The following SAMD12 variants were observed in gnomAD, a reference collection of about 807,000 sequenced individuals.
SAMD12 encodes the protein sterile alpha motif domain containing 12.
A neutral mutation model predicts 15.0 loss-of-function variants in SAMD12; 9 were observed. That is an observed-to-expected ratio of 0.60 (90% CI 0.36 to 1.05). SAMD12 has a LOEUF of 1.05. Among genes scored for constraint, SAMD12 ranks in the 50% least tolerant of loss-of-function variants. The pLI is 0.01. For synonymous variants in SAMD12, 86 were observed against 90.1 expected (o/e 0.96, Z 0.25); for missense variants, 230 against 234.2 (o/e 0.98, Z 0.12).
chr8:118,392,887 G>C (rs902578299), intron 3 of SAMD12, among the ~76,000 whole-genome samples: 5 of 151,976 alleles, frequency 3.3e-5, no homozygotes, highest in Non-Finnish European at 5.9e-5. Flanking sequence ...TTTTGGCAAA[G>C]GTTTGCTGGA....
chr8:118,213,412 CA>C (rs1343198238), intron 4 of SAMD12, among the ~76,000 whole-genome samples: 1 of 152,204 alleles, frequency 6.6e-6, no homozygotes, highest in African/African-American at 2.4e-5. Context: ...ACATGGAGGG[CA>C]ACTGAGGTTA....
At chr8:118,539,892 T>C (rs368433565) in intron 2 of SAMD12, among the ~76,000 whole-genome samples, 26 of 152,138 alleles carry the variant, frequency 1.7e-4, no homozygotes, top group African/African-American at 6.3e-4. Flanking sequence ...ACAGAATACT[T>C]TCTGGGTTTC....
At chr8:118,535,800 C>T (rs182980092) in intron 2 of SAMD12, among the ~76,000 whole-genome samples, 6 of 152,312 alleles carry the variant, frequency 3.9e-5, no homozygotes, top group African/African-American at 1.2e-4. Context: ...ATTGGAAAAG[C>T]GCAGTATTAG....
At chr8:118,288,031 G>GT (rs1299144691) in intron 4 of SAMD12, among the ~76,000 whole-genome samples, 20 of 152,152 alleles carry the variant, frequency 1.3e-4, no homozygotes, top group Non-Finnish European at 2.9e-4. Context: ...GGTACAAGGT[G>GT]TCATGGACTG....
At chr8:118,369,909 A>G (rs1336687028) in intron 4 of SAMD12, among the ~76,000 whole-genome samples, 2 of 152,186 alleles carry the variant, frequency 1.3e-5, no homozygotes, top group African/African-American at 4.8e-5. Context: ...GCGAAAGTAA[A>G]AACTGACAAA....
chr8:118,223,235 T>C (rs1195411796), intron 4 of SAMD12, among the ~76,000 whole-genome samples: 1 of 152,188 alleles, frequency 6.6e-6, no homozygotes, highest in African/African-American at 2.4e-5. Flanking sequence ...AACCCTTTTA[T>C]CTTAATACAC....
chr8:118,619,708 C>T (rs998083277), intron 1 of SAMD12, among the ~76,000 whole-genome samples: 6 of 152,014 alleles, frequency 3.9e-5, no homozygotes, highest in Non-Finnish European at 5.9e-5. Context: ...GGGTTAGAGT[C>T]TAGTAAGAGG....
intron 4 of SAMD12, among the ~76,000 whole-genome samples, chr8:118,322,882 A>AAT (rs1554631750): frequency 5.3e-5 from 8 of 151,916 alleles, no homozygotes; most frequent in Admixed American, 5.2e-4. Context: ...ATTAAAAAAA[A>AAT]TTTAAAAATA....
chr8:118,148,511 T>A, the SAMD12 span, among the ~76,000 whole-genome samples: 5 of 152,166 alleles, frequency 3.3e-5, no homozygotes, highest in Non-Finnish European at 7.4e-5. Context: ...TATGATCTTT[T>A]AAAAAAACTG....
chr8:118,497,231 A>G (rs890509811), intron 2 of SAMD12, among the ~76,000 whole-genome samples: 1 of 152,186 alleles, frequency 6.6e-6, no homozygotes, highest in African/African-American at 2.4e-5. Flanking sequence ...GTGTATCCAA[A>G]AGAATATAAA....
At chr8:118,488,837 T>A (rs193128210) in intron 2 of SAMD12, among the ~76,000 whole-genome samples, 1 of 152,360 alleles carries the variant, frequency 6.6e-6, no homozygotes, top group East Asian at 1.9e-4. Flanking sequence ...AGTCTTTGTT[T>A]GGATACATTT....
At chr8:118,542,065 C>T (rs1670218104) in intron 2 of SAMD12, among the ~76,000 whole-genome samples, 2 of 152,100 alleles carry the variant, frequency 1.3e-5, no homozygotes. Context: ...AGCAGGCAAT[C>T]CTAGAGGGTA....
In SAMD12 at chr8:118,335,930, G is replaced by A. The variant is rs192640434; in HGVS notation, c.433+43630C>T. Among the ~76,000 whole-genome samples, 319 of 152,230 alleles carry A rather than the reference G, an allele frequency of 2.1e-3. 1 individual carries two copies. The highest frequency in any genetic ancestry group is 2.7e-3 in the Non-Finnish European group (182 of 68,016). ...TTGTACTTTTTATAAAGACGGGGTT[G>A]CCCAGGCTGGTCTCTAACTCCTGGG... On this transcript the variant is annotated intron_variant, in intron 4 of 4. Coordinates refer to the SAMD12 transcript ENST00000409003.
At chr8:118,281,967 T>C (rs868370570) in intron 4 of SAMD12, among the ~76,000 whole-genome samples, 4 of 152,212 alleles carry the variant, frequency 2.6e-5, no homozygotes, top group African/African-American at 9.6e-5. Flanking sequence ...CTTCAGGTGC[T>C]TTCTGCAGAA....
chr8:118,258,840 C>A lies in SAMD12; in HGVS notation c.434-61108G>T, dbSNP rs916564576. Among the ~76,000 whole-genome samples the A allele has an allele frequency of 3.3e-5, 5 of 152,032 alleles. No homozygotes were observed. In the East Asian group the frequency reaches 5.8e-4, roughly 18 times the overall value. ...TGATACCAGCTTTGCCTGGCAGAAG[C>A]CTCTAAGAGGAAAGGAGTTGAGAAT... On this transcript the variant is annotated intron_variant, in intron 4 of 4. Transcript: ENST00000409003.
chr8:118,540,298 T>C (rs12541156), intron 2 of SAMD12, among the ~76,000 whole-genome samples: 56,118 of 152,014 alleles, frequency 0.37, 10,833 homozygotes, highest in Admixed American at 0.45. Flanking sequence ...TTATGATCAG[T>C]GATGAGGTAT....
chr8:118,279,258 A>C (rs1813550188), intron 4 of SAMD12, among the ~76,000 whole-genome samples: 1 of 152,212 alleles, frequency 6.6e-6, no homozygotes, highest in Non-Finnish European at 1.5e-5. Context: ...ATTTTTCTGA[A>C]ATATAAATTA....
chr8:118,442,747 A>C (rs893034221), intron 2 of SAMD12, among the ~76,000 whole-genome samples: 31 of 152,216 alleles, frequency 2.0e-4, no homozygotes, highest in African/African-American at 7.0e-4. Context: ...TAGCTGACAC[A>C]TCATTACCCT....
intron 3 of SAMD12, among the ~76,000 whole-genome samples, chr8:118,394,093 A>T (rs942157580): frequency 7.2e-5 from 11 of 152,250 alleles, no homozygotes; most frequent in Non-Finnish European, 1.5e-4. Context: ...AGTGCTGAAG[A>T]GACAATACAA....
Sources: gnomAD v4.1 joint callset for allele counts (sites outside exome capture counted in the v4.1 genomes callset) on GRCh38, gnomAD v4.1.1 for gene constraint, MANE v1.5 for transcripts, NCBI Gene and HGNC (gene_info 2026-07-23, HGNC 2026-07-21) for gene names.